Variants in C19orf12 observed in about 807,000 individuals in gnomAD.
The protein encoded by C19orf12 is protein C19orf12.
In C19orf12, 2 loss-of-function variants were observed where a neutral mutation model predicts 3.8. The observed-to-expected ratio is 0.53, with a 90% CI of 0.22 to 1.66. The LOEUF is 1.66. Among genes scored for constraint, C19orf12 ranks in the 40% most tolerant of loss-of-function variants. The pLI, the probability that C19orf12 is intolerant of heterozygous loss-of-function variation, is 0.20. For synonymous variants in C19orf12, 89 were observed against 84.6 expected (o/e 1.05, Z -0.28); for missense variants, 156 against 188.8 (o/e 0.83, Z 1.02).
In C19orf12 at chr19:29,715,236, C is replaced by CA; in HGVS notation, c.-123dup. ...CTCCCCAGCCCCGCGGAGGGTCGCG[C>CA]AGGCCTTGGTGGCGGCCCCGGCGCT... On this transcript the variant is annotated 5_prime_UTR_variant, in exon 1 of 3. Coordinates refer to ENST00000323670, the MANE Select transcript of C19orf12 (RefSeq NM_031448.6). The CA allele has an allele frequency of 2.4e-6, 1 of 423,426 alleles. No homozygotes were observed. Among genetic ancestry groups the CA allele is most frequent in the Admixed American group, 3.7e-5 (1 of 26,860 alleles). The allele number at this position is 423,426 out of a possible 1,614,324, so 26.2% of individuals were successfully genotyped here. A position where few individuals can be genotyped will look rare whatever the true frequency, so the allele number is the denominator to read the frequency against.
intron 1 of C19orf12, among the ~76,000 whole-genome samples, chr19:29,712,507 C>T (rs1042719912): frequency 1.3e-4 from 20 of 152,146 alleles, no homozygotes; most frequent in African/African-American, 4.6e-4. Flanking sequence ...TGTTCTTCCC[C>T]CCCACCACCC....
intron 2 of C19orf12, among the ~76,000 whole-genome samples, chr19:29,705,737 G>A (rs975803934): frequency 9.2e-5 from 14 of 151,830 alleles, no homozygotes; most frequent in South Asian, 2.1e-4. Flanking sequence ...GTCCGGTCTC[G>A]AACTGCTGGG....
Position 29,702,815 on chromosome 19 carries a change from G to A in C19orf12, c.323C>T (p.Thr108Ile). ...HLEWTDAVQL[T>I]ALVMGSEALQ... is the part of the protein sequence containing the mutation. ...GGCCTCGCTGCCCATGACCAGCGCG[G>A]TCAGCTGCACGGCGTCCGTCCACTC... is the stretch of plus-strand genomic sequence containing the variant. Residue 108 changes from threonine (T) to isoleucine (I), a missense_variant, in exon 3 of 3, where the codon ACC (threonine) becomes ATC (isoleucine). Transcript: ENST00000323670. 5 of 1,613,974 alleles carry A rather than the reference G, an allele frequency of 3.1e-6. No homozygotes were observed. Among genetic ancestry groups the A allele is most frequent in the Non-Finnish European group, 4.2e-6 (5 of 1,179,920 alleles).
chr19:29,714,401 G>A (rs544669822), intron 1 of C19orf12, among the ~76,000 whole-genome samples: 115 of 152,216 alleles, frequency 7.6e-4, no homozygotes, highest in Non-Finnish European at 1.3e-3. Context: ...GGCTGAGGCA[G>A]GGGAATTGCT....
chr19:29,713,506 A>G (rs144777737), intron 1 of C19orf12, among the ~76,000 whole-genome samples: 1 of 151,338 alleles, frequency 6.6e-6, no homozygotes, highest in African/African-American at 2.4e-5. Flanking sequence ...TCAGATAGCT[A>G]TGAAGAGAGC....
At chr19:29,711,585 C>A (rs779079244) in intron 1 of C19orf12, among the ~76,000 whole-genome samples, 9 of 152,198 alleles carry the variant, frequency 5.9e-5, no homozygotes, top group Non-Finnish European at 1.2e-4. Flanking sequence ...GACCCTGAGC[C>A]CTGCCATGCT....
intron 2 of C19orf12, among the ~76,000 whole-genome samples, chr19:29,706,545 TG>T (rs1972385964): frequency 6.6e-6 from 1 of 152,134 alleles, no homozygotes; most frequent in African/African-American, 2.4e-5. Context: ...TATGACAAAA[TG>T]ATCCCCAAAG....
In C19orf12 at chr19:29,701,387, T is replaced by A. The variant is rs1432171059; in HGVS notation, c.*1325A>T. 1 of 454,036 alleles carries A rather than the reference T, an allele frequency of 2.2e-6. No individual in the cohort carries two copies. The highest frequency in any genetic ancestry group is 4.4e-6 in the Non-Finnish European group (1 of 226,816). 28.1% of individuals were successfully genotyped at this position (454,036 alleles called of 1,614,324 possible). ...ACACCTTCCTGTATAATTTAAATCA[T>A]CTCTAGATTTCTTATAATACCAAAT... is the stretch of plus-strand genomic sequence containing the variant. On this transcript the variant is annotated 3_prime_UTR_variant, in exon 3 of 3. Transcript: ENST00000323670.
At chr19:29,707,153 T>C (rs572088600) in intron 2 of C19orf12, among the ~76,000 whole-genome samples, 6 of 152,178 alleles carry the variant, frequency 3.9e-5, no homozygotes, top group Non-Finnish European at 7.3e-5. Flanking sequence ...GGCCAGGAGT[T>C]TGAGACCAGC....
At chr19:29,711,821 A>C (rs1972695796) in intron 1 of C19orf12, among the ~76,000 whole-genome samples, 1 of 152,220 alleles carries the variant, frequency 6.6e-6, no homozygotes, top group East Asian at 1.9e-4. Flanking sequence ...ACTTGAGGTG[A>C]AAATCTACAG....
chr19:29,714,789 C>G (rs1299291697), intron 1 of C19orf12: 1 of 281,912 alleles, frequency 3.5e-6, no homozygotes, highest in East Asian at 6.1e-5. Context: ...CCAACCTCAC[C>G]CACTCCCACC....
rs547761506 is a variant in C19orf12 at position 29,699,408 on chromosome 19, A to G, written c.*3304T>C. 630 of 387,416 alleles carry G rather than the reference A, an allele frequency of 1.6e-3. 3 individuals are homozygous for G. The highest frequency in any genetic ancestry group is 0.012 in the African/African-American group (577 of 47,120). The allele number at this position is 387,416 out of a possible 1,614,324, so 24.0% of individuals were successfully genotyped here. On this transcript the variant is annotated 3_prime_UTR_variant, in exon 3 of 3. Coordinates refer to ENST00000323670, the MANE Select transcript of C19orf12 (RefSeq NM_031448.6). Reference sequence around the variant, plus strand: ...TGAGGCAGGAGAATGGCTTGAACCCAGGAGGCAGAGCTTGCAGTGAACCAA... The same window carrying G: ...TGAGGCAGGAGAATGGCTTGAACCCGGGAGGCAGAGCTTGCAGTGAACCAA...
rs16963183 is a variant in C19orf12 at position 29,712,460 on chromosome 19, G to A, written c.-11+2665C>T. Among the ~76,000 whole-genome samples the A allele has an allele frequency of 5.3e-3, 812 of 151,874 alleles. 33 individuals are homozygous for A. In the East Asian group the frequency reaches 0.087, roughly 16 times the overall value. ...ACAGAGGCTTGCATGGCACTGATAA[G>A]AAGAGCTACCCTGGACCAGGCATGT... On this transcript the variant is annotated intron_variant, in intron 1 of 2. Transcript: ENST00000323670.
At chr19:29,710,798 G>GCCT (rs974293535) in intron 1 of C19orf12, among the ~76,000 whole-genome samples, 1 of 152,142 alleles carries the variant, frequency 6.6e-6, no homozygotes, top group African/African-American at 2.4e-5. Context: ...CAGGTTGAAT[G>GCCT]CCTCCTCCTT....
At chr19:29,712,123 C>T (rs1304963043) in intron 1 of C19orf12, among the ~76,000 whole-genome samples, 2 of 151,942 alleles carry the variant, frequency 1.3e-5, no homozygotes, top group South Asian at 2.1e-4. Flanking sequence ...ACTCAAGACA[C>T]GGCCGGCCAC....
At chr19:29,714,079 C>G (rs1365356347) in intron 1 of C19orf12, among the ~76,000 whole-genome samples, 1 of 151,826 alleles carries the variant, frequency 6.6e-6, no homozygotes, top group Non-Finnish European at 1.5e-5. Context: ...TTTCCAGAAA[C>G]GCAGTCTCCC....
Position 29,708,352 on chromosome 19 carries a change from A to ATCT in C19orf12, c.59_61dup (p.Lys20dup). ...CCCAGAGTGCTTGACAGCCGCCTTC[A>ATCT]TCTTCCTCTCCCCAGAAAGGGAGCA... is the stretch of plus-strand genomic sequence containing the variant. On this transcript the variant is annotated inframe_insertion, in exon 2 of 3. Coordinates refer to ENST00000323670, the MANE Select transcript of C19orf12 (RefSeq NM_031448.6). The ATCT allele has an allele frequency of 6.2e-7, 1 of 1,614,084 alleles. No individual in the cohort carries two copies. The highest frequency in any genetic ancestry group is 8.5e-7 in the Non-Finnish European group (1 of 1,180,022).
intron 1 of C19orf12, 39 bp from the exon 2 acceptor site, chr19:29,708,462 A>G (rs769134540): frequency 1.9e-6 from 3 of 1,607,762 alleles, no homozygotes; most frequent in East Asian, 2.2e-5. Context: ...TTCAATGAGC[A>G]TAAGAGTATT....
rs1355628507 is a variant in C19orf12 at position 29,700,748 on chromosome 19, C to T, written c.*1964G>A. ...TCGCTCTGCAAGAGAAAGGCTCGGCCCTTCCTTAATCACCATGGGTTATAA... is the reference window on the plus strand; with the variant it reads ...TCGCTCTGCAAGAGAAAGGCTCGGCTCTTCCTTAATCACCATGGGTTATAA... On this transcript the variant is annotated 3_prime_UTR_variant, in exon 3 of 3. Coordinates refer to ENST00000323670, the MANE Select transcript of C19orf12 (RefSeq NM_031448.6). 1 of 454,124 alleles carries T rather than the reference C, an allele frequency of 2.2e-6. No homozygotes were observed. Among genetic ancestry groups the T allele is most frequent in the Non-Finnish European group, 4.4e-6 (1 of 226,802 alleles). 28.1% of individuals were successfully genotyped at this position (454,124 alleles called of 1,614,324 possible).
Sources: gnomAD v4.1 joint callset for allele counts (sites outside exome capture counted in the v4.1 genomes callset) on GRCh38, gnomAD v4.1.1 for gene constraint, MANE v1.5 for transcripts, NCBI Gene and HGNC (gene_info 2026-07-23, HGNC 2026-07-21) for gene names.